Variants in MYO10 observed in about 807,000 individuals in gnomAD.
The protein encoded by MYO10 is myosin X, also known as unconventional myosin-X.
MYO10 carries 133 observed loss-of-function variants against 257.3 expected under a neutral mutation model. The ratio of observed to expected loss-of-function variants is 0.52; its 90% CI spans 0.45 to 0.60. The LOEUF is 0.60. Ranked by LOEUF, MYO10 falls within the 20% of genes least tolerant of loss-of-function variation. The pLI, the probability that MYO10 is intolerant of heterozygous loss-of-function variation, is 0.00. For missense variants in MYO10, 2,399 were observed against 2,635.7 expected, an observed-to-expected ratio of 0.91 and a Z score of 1.97; for synonymous variants, 1,104 against 1,028.6, an observed-to-expected ratio of 1.07 and a Z score of -1.40.
At chr5:16,794,946 G>C in intron 3 of MYO10, 113 bp from the exon 4 acceptor site, 3 of 795,582 alleles carry the variant, frequency 3.8e-6, no homozygotes, top group East Asian at 3.3e-5. Flanking sequence ...CTGTCTCCCG[G>C]GTGCACACTG....
chr5:16,759,434 CTCTCT>C (rs1740633434), intron 17 of MYO10, among the ~76,000 whole-genome samples: 1 of 152,188 alleles, frequency 6.6e-6, no homozygotes, highest in African/African-American at 2.4e-5. Flanking sequence ...TTAATGCTCA[CTCTCT>C]TAAGTTCTCT....
At chr5:16,799,352 A>C (rs1293092882) in intron 3 of MYO10, among the ~76,000 whole-genome samples, 3 of 152,164 alleles carry the variant, frequency 2.0e-5, no homozygotes, top group African/African-American at 4.8e-5. Context: ...AATTCACACC[A>C]CACCTTGTCC....
chr5:16,893,196 C>CAAAAAAAAAAAAAAAAAAAA (rs59761183), intron 1 of MYO10, among the ~76,000 whole-genome samples: 2 of 69,614 alleles, frequency 2.9e-5, no homozygotes, highest in African/African-American at 5.1e-5. Flanking sequence ...GACTCTGTCT[C>CAAAAAAAAAAAAAAAAAAAA]AAAAAAAAAA....
intron 27 of MYO10, among the ~76,000 whole-genome samples, chr5:16,692,233 C>A (rs980099440): frequency 6.6e-6 from 1 of 152,062 alleles, no homozygotes; most frequent in Non-Finnish European, 1.5e-5. Flanking sequence ...CCAGCCTGGC[C>A]AATATGTGAA....
chr5:16,910,074 A>C (rs1325371592), intron 1 of MYO10, among the ~76,000 whole-genome samples: 1 of 152,170 alleles, frequency 6.6e-6, no homozygotes, highest in African/African-American at 2.4e-5. Context: ...ACTCAGCCTC[A>C]GGTATTCCTT....
chr5:16,755,618 C>G (rs999831645), intron 18 of MYO10, among the ~76,000 whole-genome samples: 5 of 152,128 alleles, frequency 3.3e-5, no homozygotes, highest in African/African-American at 1.2e-4. Context: ...ACAGTCTATG[C>G]CAGCACTTCA....
chr5:16,762,947 G>A (rs957990683), intron 14 of MYO10, among the ~76,000 whole-genome samples: 1 of 146,116 alleles, frequency 6.8e-6, no homozygotes, highest in Non-Finnish European at 1.5e-5. Flanking sequence ...CTGGGCGACA[G>A]AGTGAGACTC....
chr5:16,684,043 TC>T, intron 29 of MYO10, 108 bp from the exon 30 acceptor site: 1 of 962,402 alleles, frequency 1.0e-6, no homozygotes. Context: ...AAGGCTCTTT[TC>T]TTTTTAACTT....
chr5:16,911,846 T>A (rs1745666391), intron 1 of MYO10, among the ~76,000 whole-genome samples: 1 of 152,002 alleles, frequency 6.6e-6, no homozygotes, highest in Non-Finnish European at 1.5e-5. Flanking sequence ...GAGACCAGCC[T>A]GGCCAACATG....
Position 16,662,722 on chromosome 5 carries a change from G to A in MYO10, c.*3970C>T, listed in dbSNP as rs1483690968. ...AGCTCCCATAATCCCCACCTGTCACGGGAGGGACCTGATGGGAGGTAATTG... is the reference window on the plus strand; with the variant it reads ...AGCTCCCATAATCCCCACCTGTCACAGGAGGGACCTGATGGGAGGTAATTG... On this transcript the variant is annotated 3_prime_UTR_variant, in exon 41 of 41. Coordinates refer to ENST00000513610, the MANE Select transcript of MYO10 (RefSeq NM_012334.3). 3 of 152,120 alleles carry A rather than the reference G, an allele frequency of 2.0e-5. No homozygotes were observed. The highest frequency in any genetic ancestry group is 6.5e-5 in the Admixed American group (1 of 15,270). The allele number at this position is 152,120 out of a possible 1,614,324, so 9.4% of individuals were successfully genotyped here. A position where few individuals can be genotyped will look rare whatever the true frequency, so the allele number is the denominator to read the frequency against.
intron 9 of MYO10, among the ~76,000 whole-genome samples, chr5:16,778,186 C>CT (rs2126666202): frequency 6.6e-6 from 1 of 152,184 alleles, no homozygotes; most frequent in South Asian, 2.1e-4. Flanking sequence ...TGGTAAAGAA[C>CT]TTAAGATCAC....
At chr5:16,713,000 C>T (rs1434883550) in intron 19 of MYO10, among the ~76,000 whole-genome samples, 3 of 152,124 alleles carry the variant, frequency 2.0e-5, no homozygotes, top group Non-Finnish European at 4.4e-5. Flanking sequence ...TACAATGCTT[C>T]TGTGAGATTT....
At chr5:16,698,512 G>A (rs1333132845) in intron 26 of MYO10, among the ~76,000 whole-genome samples, 1 of 152,004 alleles carries the variant, frequency 6.6e-6, no homozygotes, top group African/African-American at 2.4e-5. Context: ...CATGAAGTAG[G>A]TATGGTGAGC....
At chr5:16,720,593 G>C (rs1739115639) in intron 19 of MYO10, among the ~76,000 whole-genome samples, 1 of 151,968 alleles carries the variant, frequency 6.6e-6, no homozygotes, top group African/African-American at 2.4e-5. Flanking sequence ...AGCTGGGATG[G>C]GAATATAGGC....
rs955933521 is a variant in MYO10 at position 16,935,775 on chromosome 5, G to A, written c.21+13C>T. The A allele has an allele frequency of 1.2e-6, 2 of 1,613,440 alleles. No individual in the cohort carries two copies. Among genetic ancestry groups the A allele is most frequent in the Non-Finnish European group, 1.7e-6 (2 of 1,179,724 alleles). ...GGGCTCCGGAGGCCAGGTCGGACTG[G>A]GAGCGCACTTACCTCGGTGAAGAAG... On this transcript the variant is annotated intron_variant, in intron 1 of 40. Transcript: ENST00000513610.
At chr5:16,791,484 C>T (rs972610941) in intron 4 of MYO10, among the ~76,000 whole-genome samples, 2 of 151,990 alleles carry the variant, frequency 1.3e-5, no homozygotes, top group African/African-American at 2.4e-5. Context: ...ATCCACCCCC[C>T]TCTCCCCCTT....
intron 3 of MYO10, among the ~76,000 whole-genome samples, chr5:16,796,211 C>G (rs36161486): frequency 0.5 from 55,219 of 110,688 alleles, 15,236 homozygotes; most frequent in South Asian, 0.63. Context: ...AAAGAAAGAA[C>G]AGAGAGAGAG....
chr5:16,740,071 A>C (rs910367866), intron 19 of MYO10, among the ~76,000 whole-genome samples: 11 of 152,206 alleles, frequency 7.2e-5, no homozygotes, highest in African/African-American at 2.4e-4. Context: ...AGAGTGGACC[A>C]TCTGCACAGA....
chr5:16,733,710 A>G (rs1435101081), intron 19 of MYO10, among the ~76,000 whole-genome samples: 2 of 152,214 alleles, frequency 1.3e-5, no homozygotes, highest in Admixed American at 1.3e-4. Flanking sequence ...TATAAATTAG[A>G]AACACCACAA....
Sources: gnomAD v4.1 joint callset for allele counts (sites outside exome capture counted in the v4.1 genomes callset) on GRCh38, gnomAD v4.1.1 for gene constraint, MANE v1.5 for transcripts, NCBI Gene and HGNC (gene_info 2026-07-23, HGNC 2026-07-21) for gene names.